Variants in MGST2 observed in about 807,000 individuals in gnomAD.
MGST2 encodes glutathione peroxidase MGST2.
In MGST2, 9 loss-of-function variants were observed where a neutral mutation model predicts 16.6. The observed-to-expected ratio is 0.54, with a 90% CI of 0.33 to 0.95. MGST2 has a LOEUF of 0.95. Ranked by LOEUF, MGST2 falls within the 40% of genes least tolerant of loss-of-function variation. The pLI, the probability that MGST2 is intolerant of heterozygous loss-of-function variation, is 0.03. For synonymous variants in MGST2, 79 were observed against 68.0 expected, an observed-to-expected ratio of 1.16 and a Z score of -0.79; for missense variants, 159 against 175.1, an observed-to-expected ratio of 0.91 and a Z score of 0.52.
chr4:139,689,106 CAAAAAAAAA>C (rs746270352), intron 2 of MGST2, among the ~76,000 whole-genome samples: 4 of 62,396 alleles, frequency 6.4e-5, no homozygotes, highest in African/African-American at 2.5e-4. Flanking sequence ...GACGCCATCT[CAAAAAAAAA>C]AAAAAAAAAA....
intron 5 of MGST2, chr4:139,719,781 T>A: frequency 6.2e-7 from 1 of 1,613,706 alleles, no homozygotes; most frequent in South Asian, 1.1e-5. Context: ...AGAGGGTAGC[T>A]GGCGCCATTG....
At chr4:139,724,440 C>G (rs1015148604) in intron 5 of MGST2, among the ~76,000 whole-genome samples, 1 of 152,164 alleles carries the variant, frequency 6.6e-6, no homozygotes, top group African/African-American at 2.4e-5. Flanking sequence ...GTGTTGCAAT[C>G]TGAGAAGTTA....
intron 3 of MGST2, 64 bp downstream of exon 3, chr4:139,695,331 T>A: frequency 7.3e-7 from 1 of 1,362,416 alleles, no homozygotes; most frequent in African/African-American, 1.4e-5. Context: ...GATTAAGGAG[T>A]AGATATATGG....
downstream of MGST2, among the ~76,000 whole-genome samples, chr4:139,707,101 G>A (rs547167069): frequency 2.6e-5 from 4 of 152,030 alleles, no homozygotes; most frequent in East Asian, 5.8e-4. Flanking sequence ...TGCACAATGT[G>A]CAGGTTTGTT....
chr4:139,668,626 G>A (rs560871112), intron 1 of MGST2, among the ~76,000 whole-genome samples: 132 of 150,864 alleles, frequency 8.7e-4, no homozygotes, highest in Middle Eastern at 3.4e-3. Flanking sequence ...GAGGGGGAGG[G>A]GGTAGAGGGG....
chr4:139,717,246 T>G (rs1228217875), intron 5 of MGST2: 2 of 150,712 alleles, frequency 1.3e-5, no homozygotes, highest in Non-Finnish European at 3.0e-5. Flanking sequence ...TTTTAAAAGA[T>G]AATGGAGCCC....
intron 5 of MGST2, among the ~76,000 whole-genome samples, chr4:139,737,196 A>G (rs1008887456): frequency 1.3e-5 from 2 of 152,210 alleles, no homozygotes; most frequent in African/African-American, 4.8e-5. Flanking sequence ...ATTTGAGGAA[A>G]GTTCCCTCTG....
At chr4:139,751,979 A>G in the MGST2 span, among the ~76,000 whole-genome samples, 2 of 152,160 alleles carry the variant, frequency 1.3e-5, no homozygotes, top group Non-Finnish European at 2.9e-5. Context: ...TATTACTACT[A>G]TGGTCTGAGC....
chr4:139,712,855 C>T (rs1390227939), intron 5 of MGST2, among the ~76,000 whole-genome samples: 2 of 152,202 alleles, frequency 1.3e-5, no homozygotes, highest in South Asian at 2.1e-4. Flanking sequence ...GTAAAATGAC[C>T]CATTTCTCCA....
chr4:139,741,984 A>G (rs1250248508), downstream of MGST2, among the ~76,000 whole-genome samples: 1 of 152,186 alleles, frequency 6.6e-6, no homozygotes, highest in Non-Finnish European at 1.5e-5. Flanking sequence ...AAAGACTTGG[A>G]GACACACGGG....
intron 5 of MGST2, chr4:139,716,633 T>TAA (rs1553949828): frequency 1.3e-5 from 2 of 152,626 alleles, no homozygotes; most frequent in Non-Finnish European, 2.9e-5. Context: ...AATAAATGTT[T>TAA]AAAGAATGAT....
chr4:139,730,430 TCTG>T (rs3051167), intron 5 of MGST2: 1,321,531 of 1,456,304 alleles, frequency 0.91, 593,390 homozygotes, highest in African/African-American at 0.93. Context: ...TCCGCCAAAA[TCTG>T]CTGCTGCTGC....
chr4:139,728,389 G>T lies in MGST2; in HGVS notation c.*49-11823G>T, dbSNP rs564183887. ...CGCTGACACCAGGGCCACGTGACAG[G>T]CCCCCACATACATGTGTGCAGCACA... On this transcript the variant is annotated intron_variant, in intron 5 of 5. Coordinates refer to the MGST2 transcript ENST00000616265. Among the ~76,000 whole-genome samples the T allele has an allele frequency of 2.0e-4, 30 of 152,298 alleles. 1 individual carries two copies. The highest frequency in any genetic ancestry group is 6.3e-4 in the African/African-American group (26 of 41,570).
chr4:139,682,970 C>A (rs1048772853), intron 2 of MGST2, among the ~76,000 whole-genome samples: 3 of 152,208 alleles, frequency 2.0e-5, no homozygotes, highest in African/African-American at 4.8e-5. Flanking sequence ...GAGCTGGAGA[C>A]CAGGCTCCTC....
chr4:139,743,152 A>C (rs1579383625), downstream of MGST2, among the ~76,000 whole-genome samples: 1 of 152,352 alleles, frequency 6.6e-6, no homozygotes, highest in East Asian at 1.9e-4. Flanking sequence ...ACCACGATTC[A>C]CATATACACG....
chr4:139,704,301 A>C, downstream of MGST2: 1 of 1,034,814 alleles, frequency 9.7e-7, no homozygotes, highest in South Asian at 1.5e-5. Flanking sequence ...CCTGTTTAAG[A>C]ACTGAAATTT....
intron 5 of MGST2, among the ~76,000 whole-genome samples, chr4:139,738,430 T>G (rs368629924): frequency 5.9e-5 from 9 of 152,096 alleles, no homozygotes; most frequent in African/African-American, 2.2e-4. Flanking sequence ...GTAGTCCCAG[T>G]TACTCAGGAG....
rs771669364 is a variant in MGST2, at chr4:139,678,679, C to T, written c.158+37C>T. 6 of 1,476,234 alleles carry T rather than the reference C, an allele frequency of 4.1e-6. No homozygotes were observed. The Admixed American group carries it at 5.0e-5, about 12-fold the overall frequency. 91.4% of individuals were successfully genotyped at this position (1,476,234 alleles called of 1,614,324 possible). On this transcript the variant is annotated intron_variant, in intron 2 of 4. Coordinates refer to ENST00000265498, the MANE Select transcript of MGST2 (RefSeq NM_002413.5). ...TTCTTCCACCCTTCATGGATCTGTG[C>T]CTGCCATACAGACACAATTCCTGAC...
At chr4:139,753,499 G>C in the MGST2 span, among the ~76,000 whole-genome samples, 3 of 152,118 alleles carry the variant, frequency 2.0e-5, no homozygotes, top group African/African-American at 7.2e-5. Context: ...TTAAAGATGA[G>C]TTTCAGAGGC....
Sources: gnomAD v4.1 joint callset for allele counts (sites outside exome capture counted in the v4.1 genomes callset) on GRCh38, gnomAD v4.1.1 for gene constraint, MANE v1.5 for transcripts, NCBI Gene and HGNC (gene_info 2026-07-23, HGNC 2026-07-21) for gene names.